The following PHB2 variants were observed in gnomAD, a reference collection of about 807,000 sequenced individuals.
The protein encoded by PHB2 is prohibitin-2.
Under a neutral mutation model 46.4 loss-of-function variants are expected in PHB2, and 22 were observed. The observed-to-expected ratio is 0.47, with a 90% CI of 0.34 to 0.68. PHB2 has a LOEUF of 0.68. Among genes scored for constraint, PHB2 ranks in the 30% least tolerant of loss-of-function variants. The probability of loss-of-function intolerance (pLI) is 0.01; values close to 1 mark genes in which losing one functional copy is unlikely to be tolerated. For synonymous variants in PHB2, 156 were observed against 150.5 expected (o/e 1.04, Z -0.27); for missense variants, 305 against 382.8 (o/e 0.80, Z 1.70).
In PHB2 at chr12:6,965,891, C is replaced by G. The variant is rs1555150711; in HGVS notation, c.872+20G>C. 1.3e-6 allele frequency: 2 copies of G among 1,599,054 alleles called. No homozygotes were observed. The highest frequency in any genetic ancestry group is 8.5e-7 in the Non-Finnish European group (1 of 1,179,342). ...GGAGAAGGTGGCCTGCAGGACCCCA[C>G]AGAAGCAACAACAGCTTACCTTCCC... On this transcript the variant is annotated intron_variant, in intron 9 of 9. Coordinates refer to ENST00000535923, the MANE Select transcript of PHB2 (RefSeq NM_001144831.2).
Position 6,967,949 on chromosome 12 carries a change from T to C in PHB2, c.550A>G (p.Ile184Val), listed in dbSNP as rs782131423. Residue 184 changes from isoleucine to valine, a missense_variant, in exon 5 of 10, where the codon ATC (isoleucine) becomes GTC (valine). Transcript: ENST00000535923. This position sits in a 1 kb window ranked among gnomAD's most constrained non-coding sequence, Gnocchi z 4.9. ...TCTCGGCTAAAGCTCAGCTCTGTGA[T>C]GGCCACATCATCCAGGATGAGGCTG... ...DFSLILDDVA[I>V]TELSFSREYT... The C allele has an allele frequency of 1.9e-6, 3 of 1,613,800 alleles. No homozygotes were observed. Among genetic ancestry groups the C allele is most frequent in the Non-Finnish European group, 8.5e-7 (1 of 1,179,720 alleles).
chr12:6,968,703 A>C (rs1555151366), intron 3 of PHB2, 108 bp from the exon 4 acceptor site: 2 of 872,182 alleles, frequency 2.3e-6, no homozygotes, highest in Non-Finnish European at 3.7e-6. Context: ...ACAGCCTGGC[A>C]CTACCCTGGG....
Position 6,967,088 on chromosome 12 carries a change from C to G in PHB2, c.789+83G>C. On this transcript the variant is annotated intron_variant, in intron 7 of 9. Coordinates refer to ENST00000535923, the MANE Select transcript of PHB2 (RefSeq NM_001144831.2). The surrounding 1 kb of genome is among the most constrained non-coding windows in gnomAD (Gnocchi z 4.9). ...AGTAGAAACCGGAACAAGCAAGGTT[C>G]GAATTCCCTCACCTCAATGTGCCTT... The G allele has an allele frequency of 8.6e-7, 1 of 1,162,534 alleles. No homozygotes were observed. 72.0% of individuals were successfully genotyped at this position (1,162,534 alleles called of 1,614,324 possible).
Position 6,967,069 on chromosome 12 carries a change from A to C in PHB2, c.789+102T>G. 9.7e-7 allele frequency: 1 copy of C among 1,030,568 alleles called. No homozygotes were observed. The highest frequency in any genetic ancestry group is 1.5e-6 in the Non-Finnish European group (1 of 680,146). The allele number at this position is 1,030,568 out of a possible 1,614,324, so 63.8% of individuals were successfully genotyped here. ...GGCCAGAGAAGCCAATCTGAGTAGAAACCGGAACAAGCAAGGTTCGAATTC... is the reference window on the plus strand; with the variant it reads ...GGCCAGAGAAGCCAATCTGAGTAGACACCGGAACAAGCAAGGTTCGAATTC... On this transcript the variant is annotated intron_variant, in intron 7 of 9. Transcript: ENST00000535923. This position sits in a 1 kb window ranked among gnomAD's most constrained non-coding sequence, Gnocchi z 4.9.
At position 6,967,043 on chromosome 12, in the gene PHB2, C is replaced by T. The variant is rs781803237; in HGVS notation, c.789+128G>A. The stretch of plus-strand genomic sequence containing the variant: ...GGATTACATGCGTGAGCCACCGCGC[C>T]GGCCAGAGAAGCCAATCTGAGTAGA... On this transcript the variant is annotated intron_variant, in intron 7 of 9. Transcript: ENST00000535923. This position sits in a 1 kb window ranked among gnomAD's most constrained non-coding sequence, Gnocchi z 4.9. The T allele has an allele frequency of 6.1e-5, 49 of 809,060 alleles. No individual in the cohort carries two copies. The highest frequency in any genetic ancestry group is 3.2e-4 in the South Asian group (21 of 64,986). The allele number at this position is 809,060 out of a possible 1,614,324, so 50.1% of individuals were successfully genotyped here. A position where few individuals can be genotyped will look rare whatever the true frequency, so the allele number is the denominator to read the frequency against.
At chr12:6,968,317 A>C in intron 4 of PHB2, 94 bp downstream of exon 4, 1 of 936,306 alleles carries the variant, frequency 1.1e-6, no homozygotes, top group Non-Finnish European at 1.6e-6. Context: ...CTAGGGTGAC[A>C]ATGCTTTTCT....
rs782818854 is a variant in PHB2 at position 6,969,592 on chromosome 12, G to A, written c.213-15C>T. On this transcript the variant is annotated splice_polypyrimidine_tract_variant and intron_variant, in intron 2 of 9. Transcript: ENST00000535923. The stretch of plus-strand genomic sequence containing the variant: ...ACCAAGGGATCCTGGAGAGGACAGG[G>A]ATAGGTATTAAGAGGCCACAGTTTC... The A allele has an allele frequency of 7.7e-6, 12 of 1,549,952 alleles. No homozygotes were observed. Among genetic ancestry groups the A allele is most frequent in the Admixed American group, 1.7e-5 (1 of 59,146 alleles).
Position 6,967,176 on chromosome 12 carries a change from T to C in PHB2, c.784A>G (p.Lys262Glu). ...RKIRAAQNIS[K>E]TIATSQNRIY... ...CGCTGGGCTGACACACTCACCGTCTTGGAGATATTCTGGGCTGCTCGAATC... is the reference window on the plus strand; with the variant it reads ...CGCTGGGCTGACACACTCACCGTCTCGGAGATATTCTGGGCTGCTCGAATC... Residue 262 changes from lysine (K) to glutamate (E), a missense_variant, in exon 7 of 10, where the codon AAG becomes GAG. Physicochemically the swap from Lys to Glu is moderately conservative, Grantham distance 56. Around this residue, in one of 3 missense-constraint regions of PHB2, gnomAD observed 241 missense variants for 302.7 expected, o/e 0.80. Transcript: ENST00000535923. This position sits in a 1 kb window ranked among gnomAD's most constrained non-coding sequence, Gnocchi z 4.9. The C allele has an allele frequency of 6.4e-7, 1 of 1,571,910 alleles. No homozygotes were observed. The highest frequency in any genetic ancestry group is 8.6e-7 in the Non-Finnish European group (1 of 1,156,772).
chr12:6,968,836 C>T (rs782242659), intron 3 of PHB2: 4 of 530,316 alleles, frequency 7.5e-6, no homozygotes, highest in Non-Finnish European at 1.4e-5. Context: ...ACTCTTTCCC[C>T]CTCTGTACTC....
Position 6,967,703 on chromosome 12 carries a change from G to C in PHB2, c.684C>G (p.Ala228=), listed in dbSNP as rs781955146. Residue 228 remains alanine (A), a synonymous_variant, in exon 6 of 10, where the codon GCC becomes GCG. Coordinates refer to ENST00000535923, the MANE Select transcript of PHB2 (RefSeq NM_001144831.2). This position sits in a 1 kb window ranked among gnomAD's most constrained non-coding sequence, Gnocchi z 4.9. ...TCTTGGCAGCCTCGGCCTCACCCTC[G>C]GCCTGCACAATTTTCTGCCGCTGTT... The part of the protein sequence containing the change: ...KQEQRQKIVQ[A]EGEAEAAKML... 2.5e-6 allele frequency: 4 copies of C among 1,613,746 alleles called. No individual in the cohort carries two copies. The East Asian group carries it at 6.7e-5, about 27-fold the overall frequency.
At chr12:6,965,871 AG>A in intron 9 of PHB2, 39 bp downstream of exon 9, 1 of 1,598,098 alleles carries the variant, frequency 6.3e-7, no homozygotes, top group Non-Finnish European at 8.5e-7. Context: ...GTACTGGAGA[AG>A]GTGGCCTGCA....
At position 6,965,467 on chromosome 12, in the gene PHB2, C is replaced by T. The variant is rs1555150614; in HGVS notation, c.*218G>A. ...TCACTGAGAAATCACGCACTGTCCC[C>T]AACAGCCCCAGTTAACACAGGGAGG... On this transcript the variant is annotated 3_prime_UTR_variant, in exon 10 of 10. Transcript: ENST00000535923. 9 of 608,396 alleles carry T rather than the reference C, an allele frequency of 1.5e-5. No homozygotes were observed. In the South Asian group the frequency reaches 1.5e-4, roughly 10 times the overall value. The allele number at this position is 608,396 out of a possible 1,614,324, so 37.7% of individuals were successfully genotyped here.
chr12:6,969,925 G>A, intron 2 of PHB2: 2 of 652,150 alleles, frequency 3.1e-6, no homozygotes, highest in Admixed American at 4.8e-5. Flanking sequence ...AAAGGCCGCA[G>A]TTTCACTAGC....
Position 6,970,164 on chromosome 12 carries a change from G to C in PHB2, c.212+32C>G, listed in dbSNP as rs782160997. 4 of 1,538,084 alleles carry C rather than the reference G, an allele frequency of 2.6e-6. No homozygotes were observed. In the African/African-American group the frequency reaches 4.1e-5, roughly 16 times the overall value. ...TGCTGGGTCGGCGTCAAGGGTGAAAGGTCAGGGTCAGCAGGCTCTGCCCGC... is the reference window on the plus strand; with the variant it reads ...TGCTGGGTCGGCGTCAAGGGTGAAACGTCAGGGTCAGCAGGCTCTGCCCGC... On this transcript the variant is annotated intron_variant, in intron 2 of 9. Coordinates refer to ENST00000535923, the MANE Select transcript of PHB2 (RefSeq NM_001144831.2).
chr12:6,967,797 C>A lies in PHB2; in HGVS notation c.608-18G>T. On this transcript the variant is annotated intron_variant, in intron 5 of 9. Transcript: ENST00000535923. This position sits in a 1 kb window ranked among gnomAD's most constrained non-coding sequence, Gnocchi z 4.9. The stretch of plus-strand genomic sequence containing the variant: ...CTGCTGGGCTGTGGTGGGAGAGAGT[C>A]AGGGAGACCCTGTCCTGGGTCAGGA... 6.2e-7 allele frequency: 1 copy of A among 1,611,664 alleles called. No homozygotes were observed. The highest frequency in any genetic ancestry group is 1.1e-5 in the South Asian group (1 of 90,898).
At chr12:6,966,626 A>T in intron 7 of PHB2, 126 bp from the exon 8 acceptor site, 1 of 710,020 alleles carries the variant, frequency 1.4e-6, no homozygotes, top group African/African-American at 1.7e-5. Context: ...AATGAGTAAC[A>T]CATGGTTTCT....
intron 1 of PHB2, 57 bp downstream of exon 1, chr12:6,970,360 G>A: frequency 6.2e-7 from 1 of 1,604,560 alleles, no homozygotes; most frequent in South Asian, 1.1e-5. Context: ...CGGGGACAGG[G>A]CAAGGGGTTT....
rs918959064 is a variant in PHB2 at position 6,968,456 on chromosome 12, C to T, written c.432G>A (p.Val144=). The T allele has an allele frequency of 6.2e-7, 1 of 1,612,750 alleles. No individual in the cohort carries two copies. The highest frequency in any genetic ancestry group is 2.2e-5 in the East Asian group (1 of 44,880). ...PSIVNEVLKS[V]VAKFNASQLI... The stretch of plus-strand genomic sequence containing the variant: ...GCTGTGAGGCATTGAACTTGGCCAC[C>T]ACACTCTTGAGCACCTCGTTGACAA... Residue 144 remains valine (V), a synonymous_variant, in exon 4 of 10, where the codon GTG becomes GTA. Transcript: ENST00000535923.
Position 6,967,853 on chromosome 12 carries a change from C to A in PHB2, c.607+39G>T. ...ACCCATGGAGTCTTTCCTCCTCCTGCATCTCAGAAGCCCTCACCCCACGGC... is the reference window on the plus strand; with the variant it reads ...ACCCATGGAGTCTTTCCTCCTCCTGAATCTCAGAAGCCCTCACCCCACGGC... On this transcript the variant is annotated intron_variant, in intron 5 of 9. Transcript: ENST00000535923. This position sits in a 1 kb window ranked among gnomAD's most constrained non-coding sequence, Gnocchi z 4.9. The A allele has an allele frequency of 6.2e-7, 1 of 1,610,916 alleles. No individual in the cohort carries two copies. Among genetic ancestry groups the A allele is most frequent in the Non-Finnish European group, 8.5e-7 (1 of 1,177,824 alleles).
Sources: allele counts gnomAD v4.1 joint callset, GRCh38; gene constraint gnomAD v4.1.1; regional missense constraint gnomAD v4.1.1; non-coding constraint Gnocchi (gnomAD v3.1); transcripts MANE v1.5; gene names NCBI Gene and HGNC (gene_info 2026-07-23, HGNC 2026-07-21).